DMD: variants seen among roughly 807,000 people sequenced by gnomAD.
The protein encoded by DMD is mutant dystrophin.
Under a neutral mutation model 330.1 loss-of-function variants are expected in DMD, and 63 were observed. The observed-to-expected ratio is 0.19, with a 90% CI of 0.16 to 0.24. DMD has a LOEUF of 0.24. DMD is among the 10% of genes least tolerant of loss of function. The pLI, the probability that DMD is intolerant of heterozygous loss-of-function variation, is 1.00. For synonymous variants in DMD, 1,223 were observed against 959.8 expected, an observed-to-expected ratio of 1.27 and a Z score of -5.07; for missense variants, 3,344 against 2,684.1, an observed-to-expected ratio of 1.25 and a Z score of -5.43.
At chrX:32,762,000 A>C (rs1327738947) in intron 7 of DMD, among the ~76,000 whole-genome samples, 1 of 108,555 alleles carries the variant, frequency 9.2e-6, no homozygotes, top group Non-Finnish European at 1.9e-5. Flanking sequence ...AACACAAAAA[A>C]TTAGCCAGGC....
intron 18 of DMD, chrX:32,517,280 A>T (rs780410140): frequency 8.9e-6 from 1 of 112,293 alleles, no homozygotes; most frequent in South Asian, 3.6e-4. Flanking sequence ...ATTATTTTAC[A>T]AACTGTTGCC....
At chrX:31,806,399 G>A (rs982071055) in intron 50 of DMD, among the ~76,000 whole-genome samples, 9 of 111,734 alleles carry the variant, frequency 8.1e-5, no homozygotes, top group African/African-American at 2.6e-4. Context: ...CCTCAACTGC[G>A]GGAATTTATA....
intron 47 of DMD, among the ~76,000 whole-genome samples, chrX:31,881,155 A>C (rs2094057172): frequency 8.9e-6 from 1 of 111,831 alleles, no homozygotes. Context: ...CGGGTGTTCA[A>C]CGTGTTCATG....
intron 44 of DMD, among the ~76,000 whole-genome samples, chrX:32,010,530 T>C (rs2095699281): frequency 8.9e-6 from 1 of 111,854 alleles, no homozygotes; most frequent in South Asian, 3.7e-4. Flanking sequence ...TCTTCTATCT[T>C]CTCTACAACT....
chrX:32,501,052 A>G (rs1321041297), intron 19 of DMD, among the ~76,000 whole-genome samples: 1 of 112,352 alleles, frequency 8.9e-6, no homozygotes, highest in Non-Finnish European at 1.9e-5. Flanking sequence ...ATCTGGAAAT[A>G]TAGTAGTATA....
In DMD at chrX:32,380,612, A is replaced by T. The variant is rs760247764; in HGVS notation, c.4743T>A (p.Asn1581Lys). 1.4e-5 allele frequency: 17 copies of T among 1,208,098 alleles called. No homozygotes were observed. The change falls in exon 34 of 79, where the codon AAT (asparagine) becomes AAA (lysine). Residue 1581 changes from asparagine to lysine, a missense_variant. By Grantham distance (94) the Asn-to-Lys change is moderately conservative. Coordinates refer to ENST00000357033, the MANE Select transcript of DMD (RefSeq NM_004006.3). ...TAGCTGCCAGCCATTCTGTCAAGAC[A>T]TTCATTTCCTTTCGCATCTTACGGG... The part of the protein sequence containing the change: ...KLSRKMRKEM[N>K]VLTEWLAATD...
chrX:33,299,704 T>A (rs2053634440), intron 1 of DMD, among the ~76,000 whole-genome samples: 1 of 112,283 alleles, frequency 8.9e-6, no homozygotes. Flanking sequence ...TGACAATTGG[T>A]AGATGTTTTA....
chrX:31,385,079 C>G lies in DMD; in HGVS notation c.9085-36445G>C, dbSNP rs184766444. On this transcript the variant is annotated intron_variant, in intron 60 of 78. Transcript: ENST00000357033. ...AAATTGCCCATTTCTCCTCAAAATT[C>G]CTACATGAAGGTTCACAAGGTTTAA... is the stretch of plus-strand genomic sequence containing the variant. Among the ~76,000 whole-genome samples the G allele has an allele frequency of 5.4e-5, 6 of 112,101 alleles. No homozygotes were observed. In the Admixed American group the frequency reaches 5.7e-4, roughly 11 times the overall value.
At chrX:32,171,352 T>G (rs2096886986) in intron 44 of DMD, among the ~76,000 whole-genome samples, 1 of 111,648 alleles carries the variant, frequency 9.0e-6, no homozygotes, top group Admixed American at 9.5e-5. Context: ...TTCTTCTTTT[T>G]CCCACCTCAC....
chrX:31,998,541 A>C (rs1400101961), intron 44 of DMD, among the ~76,000 whole-genome samples: 1 of 111,803 alleles, frequency 8.9e-6, no homozygotes, highest in African/African-American at 3.2e-5. Flanking sequence ...ATGGGAGTAC[A>C]TAATAGTTAG....
At chrX:31,232,680 C>A (rs191174840) in intron 63 of DMD, among the ~76,000 whole-genome samples, 6 of 111,730 alleles carry the variant, frequency 5.4e-5, no homozygotes, top group African/African-American at 1.3e-4. Context: ...ACACCTCCCC[C>A]ACTTGGAGCC....
intron 13 of DMD, among the ~76,000 whole-genome samples, chrX:32,594,788 T>C (rs1038026319): frequency 8.9e-6 from 1 of 111,908 alleles, no homozygotes; most frequent in Non-Finnish European, 1.9e-5. Context: ...TTATATCACT[T>C]GCAAAGAACC....
At position 32,334,606 on chromosome X, in the gene DMD, T is replaced by A. The variant is rs544963794; in HGVS notation, c.5922+7494A>T. Among the ~76,000 whole-genome samples, 10 of 111,736 alleles carry A rather than the reference T, an allele frequency of 8.9e-5. No individual in the cohort carries two copies. In the South Asian group the frequency reaches 3.7e-3, roughly 42 times the overall value. ...TCTGTTATTACTTTTCTTGTACATC[T>A]CTGCTTAAATTTAAGGAAATCCCAA... On this transcript the variant is annotated intron_variant, in intron 41 of 78. Coordinates refer to ENST00000357033, the MANE Select transcript of DMD (RefSeq NM_004006.3).
intron 11 of DMD, among the ~76,000 whole-genome samples, chrX:32,631,516 T>G (rs936812263): frequency 1.8e-5 from 2 of 112,049 alleles, no homozygotes; most frequent in Non-Finnish European, 3.8e-5. Context: ...AAGAAATATC[T>G]GATACTGGGT....
intron 13 of DMD, among the ~76,000 whole-genome samples, chrX:32,590,000 A>T (rs2054719481): frequency 8.9e-6 from 1 of 112,027 alleles, no homozygotes; most frequent in African/African-American, 3.3e-5. Context: ...TATCACGCAG[A>T]GGCTTTGCTA....
At chrX:33,317,061 C>T (rs945186879) in intron 1 of DMD, among the ~76,000 whole-genome samples, 4 of 110,282 alleles carry the variant, frequency 3.6e-5, no homozygotes, top group African/African-American at 6.6e-5. Context: ...AAATTTCAAA[C>T]GCCAAGTTCC....
chrX:33,307,466 C>T (rs898264064), intron 1 of DMD, among the ~76,000 whole-genome samples: 11 of 111,682 alleles, frequency 9.8e-5, no homozygotes, highest in Admixed American at 8.5e-4. Flanking sequence ...CCAAGGCGGG[C>T]GGATCACCTG....
intron 55 of DMD, among the ~76,000 whole-genome samples, chrX:31,525,426 T>C (rs1350065630): frequency 8.9e-6 from 1 of 112,005 alleles, no homozygotes; most frequent in Non-Finnish European, 1.9e-5. Context: ...TTTAGCACAA[T>C]ATTTTGTTTG....
At chrX:33,193,255 C>T (rs1407295040) in intron 1 of DMD, among the ~76,000 whole-genome samples, 1 of 111,229 alleles carries the variant, frequency 9.0e-6, no homozygotes, top group Non-Finnish European at 1.9e-5. Context: ...TGCAGTGAGC[C>T]GAGATCACAC....
Sources: allele counts gnomAD v4.1 joint callset (sites outside exome capture counted in the v4.1 genomes callset), GRCh38; gene constraint gnomAD v4.1.1; transcripts MANE v1.5; gene names NCBI Gene and HGNC (gene_info 2026-07-23, HGNC 2026-07-21).